C21orf91: variants seen among roughly 807,000 people sequenced by gnomAD.
C21orf91 encodes the protein chromosome 21 open reading frame 91.
Under a neutral mutation model 32.9 loss-of-function variants are expected in C21orf91, and 26 were observed. The ratio of observed to expected loss-of-function variants is 0.79; its 90% CI spans 0.58 to 1.10. The LOEUF (loss-of-function observed/expected upper bound fraction) is 1.10. C21orf91 is among the 50% of genes least tolerant of loss of function. C21orf91 has a pLI of 0.00. For missense variants in C21orf91, 310 were observed against 341.3 expected (o/e 0.91, Z 0.72); for synonymous variants, 126 against 120.4 (o/e 1.05, Z -0.31).
At chr21:17,818,046 G>A in intron 2 of C21orf91, 146 bp downstream of exon 2, 1 of 507,394 alleles carries the variant, frequency 2.0e-6, no homozygotes, top group Non-Finnish European at 3.3e-6. Context: ...TTCATTTCCA[G>A]AAACCTTATC....
chr21:17,807,526 A>G (rs549152984), intron 2 of C21orf91, among the ~76,000 whole-genome samples: 1 of 152,332 alleles, frequency 6.6e-6, no homozygotes, highest in South Asian at 2.1e-4. Flanking sequence ...GTAACAGGAT[A>G]ATGCGCAGAG....
intron 2 of C21orf91, chr21:17,810,363 G>A (rs567636109): frequency 1.3e-4 from 20 of 152,278 alleles, no homozygotes; most frequent in Non-Finnish European, 2.5e-4. Context: ...TGTAAACAGA[G>A]GAACAGTATT....
At chr21:17,795,654 G>A (rs1469625951) in intron 3 of C21orf91, among the ~76,000 whole-genome samples, 1 of 151,784 alleles carries the variant, frequency 6.6e-6, no homozygotes, top group Non-Finnish European at 1.5e-5. Flanking sequence ...TTTATTTTTT[G>A]TAGAGATGGG....
chr21:17,815,304 C>T (rs189761559), intron 2 of C21orf91, among the ~76,000 whole-genome samples: 112 of 152,224 alleles, frequency 7.4e-4, no homozygotes, highest in Admixed American at 2.8e-3. Flanking sequence ...AGCCTCTTCT[C>T]GGAGAAGAGT....
intron 2 of C21orf91, among the ~76,000 whole-genome samples, chr21:17,810,068 C>G: frequency 6.6e-6 from 1 of 152,120 alleles, no homozygotes; most frequent in Middle Eastern, 3.2e-3. Flanking sequence ...GATGGTATGA[C>G]AAATTGAATT....
At position 17,797,022 on chromosome 21, in the gene C21orf91, C is replaced by T. The variant is rs762588629; in HGVS notation, c.224G>A (p.Arg75Gln). Residue 75 changes from arginine (R) to glutamine (Q), a missense_variant, in exon 3 of 5, where the codon CGA (arginine) becomes CAA (glutamine). Transcript: ENST00000284881. ...YHLIANQGCP[R>Q]SKLSKSTYEE... ...ATAAGTACTTTTTGAAAGCTTAGAT[C>T]GAGGACAACCCTGGTTTGCAATTAA... 35 of 1,612,372 alleles carry T rather than the reference C, an allele frequency of 2.2e-5. No homozygotes were observed. In the Admixed American group the frequency reaches 4.7e-4, roughly 22 times the overall value.
At chr21:17,816,806 T>C (rs2062667406) in intron 2 of C21orf91, among the ~76,000 whole-genome samples, 1 of 152,218 alleles carries the variant, frequency 6.6e-6, no homozygotes, top group African/African-American at 2.4e-5. Context: ...TTTCCTTAAA[T>C]GTAAAATACA....
chr21:17,793,302 G>T lies in C21orf91; in HGVS notation c.*113C>A. 1 of 686,364 alleles carries T rather than the reference G, an allele frequency of 1.5e-6. No homozygotes were observed. The highest frequency in any genetic ancestry group is 2.3e-6 in the Non-Finnish European group (1 of 428,858). 42.5% of individuals were successfully genotyped at this position (686,364 alleles called of 1,614,324 possible). A position where few individuals can be genotyped will look rare whatever the true frequency, so the allele number is the denominator to read the frequency against. On this transcript the variant is annotated 3_prime_UTR_variant, in exon 5 of 5. Coordinates refer to ENST00000284881, the MANE Select transcript of C21orf91 (RefSeq NM_001100420.2). ...AGATGTTAAATACTGCCTTATGTTTGGCAAATTTAATGACCATAAAAAAAC... is the reference window on the plus strand; with the variant it reads ...AGATGTTAAATACTGCCTTATGTTTTGCAAATTTAATGACCATAAAAAAAC...
At chr21:17,817,272 G>T (rs2062669931) in intron 2 of C21orf91, among the ~76,000 whole-genome samples, 1 of 151,868 alleles carries the variant, frequency 6.6e-6, no homozygotes, top group Admixed American at 6.6e-5. Context: ...GGAATTTCAA[G>T]GTATATAATC....
chr21:17,793,463 C>A lies in C21orf91; in HGVS notation c.846G>T (p.Leu282=). 6.2e-7 allele frequency: 1 copy of A among 1,613,056 alleles called. No homozygotes were observed. The highest frequency in any genetic ancestry group is 1.1e-5 in the South Asian group (1 of 90,960). The part of the protein sequence containing the change: ...LLKNCSKLPC[L]QVGRTGMKSH... The stretch of plus-strand genomic sequence containing the variant: ...ACTTCATTCCTGTTCGCCCTACTTG[C>A]AGACATGGTAACTTAGAACAGTTCT... The change falls in exon 5 of 5, where the codon CTG becomes CTT. Residue 282 remains leucine (L), a synonymous_variant. Transcript: ENST00000284881.
At chr21:17,809,971 T>A (rs772666356) in intron 2 of C21orf91, among the ~76,000 whole-genome samples, 4 of 152,198 alleles carry the variant, frequency 2.6e-5, no homozygotes, top group Non-Finnish European at 4.4e-5. Flanking sequence ...AAATTATTTA[T>A]AAACAGCAGA....
chr21:17,798,607 C>G (rs2062537523), intron 2 of C21orf91, among the ~76,000 whole-genome samples: 1 of 152,128 alleles, frequency 6.6e-6, no homozygotes, highest in African/African-American at 2.4e-5. Flanking sequence ...CCTTGTACTG[C>G]AATTGTGAGC....
rs752456963 is a variant in C21orf91 at position 17,796,958 on chromosome 21, C to G, written c.288G>C (p.Trp96Cys). 15 of 1,613,014 alleles carry G rather than the reference C, an allele frequency of 9.3e-6. No individual in the cohort carries two copies. Among genetic ancestry groups the G allele is most frequent in the Non-Finnish European group, 1.3e-5 (15 of 1,179,100 alleles). Reference protein sequence around the residue: ...VKTILSKKINWIVQYAQNKDL... With the variant: ...VKTILSKKINCIVQYAQNKDL... ...CCTTATTTTGTGCATACTGCACAAT[C>G]CAGTTTATCTTCTTACTCAAAATGG... Residue 96 changes from tryptophan (W) to cysteine (C), a missense_variant, in exon 3 of 5, where the codon TGG (tryptophan) becomes TGC (cysteine). Transcript: ENST00000284881.
At chr21:17,803,455 G>C (rs1024146118) in intron 2 of C21orf91, among the ~76,000 whole-genome samples, 1 of 152,126 alleles carries the variant, frequency 6.6e-6, no homozygotes, top group Non-Finnish European at 1.5e-5. Context: ...AGGCTGCGAT[G>C]AGCCACGACT....
intron 2 of C21orf91, chr21:17,813,767 T>G (rs1184758045): frequency 2.0e-5 from 3 of 152,222 alleles, no homozygotes; most frequent in Non-Finnish European, 4.4e-5. Context: ...TTGAGCATCA[T>G]GTAGGTGTTC....
Position 17,789,922 on chromosome 21 carries a change from G to A in C21orf91, c.*3493C>T, listed in dbSNP as rs1449486914. The A allele has an allele frequency of 6.6e-6, 1 of 152,076 alleles. No homozygotes were observed. Among genetic ancestry groups the A allele is most frequent in the Non-Finnish European group, 1.5e-5 (1 of 67,956 alleles). The allele number at this position is 152,076 out of a possible 1,614,324, so 9.4% of individuals were successfully genotyped here. ...AATAGTTACTCCCACCAACGTAAAAGTTAAAAATACAATCATACACTGAAA... is the reference window on the plus strand; with the variant it reads ...AATAGTTACTCCCACCAACGTAAAAATTAAAAATACAATCATACACTGAAA... On this transcript the variant is annotated 3_prime_UTR_variant, in exon 5 of 5. Transcript: ENST00000284881.
intron 2 of C21orf91, among the ~76,000 whole-genome samples, chr21:17,806,093 G>C (rs1469725301): frequency 6.6e-6 from 1 of 152,192 alleles, no homozygotes; most frequent in African/African-American, 2.4e-5. Flanking sequence ...GCAAATTTAA[G>C]GTTTGAAAGC....
chr21:17,797,201 A>C, intron 2 of C21orf91, 83 bp from the exon 3 acceptor site: 1 of 842,540 alleles, frequency 1.2e-6, no homozygotes, highest in Non-Finnish European at 1.9e-6. Flanking sequence ...TCTTAGTAAA[A>C]TCAGAGTCCC....
intron 2 of C21orf91, among the ~76,000 whole-genome samples, chr21:17,797,694 T>C (rs1007648581): frequency 7.3e-5 from 11 of 150,594 alleles, no homozygotes; most frequent in Admixed American, 1.3e-4. Flanking sequence ...CACATTTCCA[T>C]TTTATAGTTA....
Sources: allele counts gnomAD v4.1 joint callset (sites outside exome capture counted in the v4.1 genomes callset), GRCh38; gene constraint gnomAD v4.1.1; transcripts MANE v1.5; gene names NCBI Gene and HGNC (gene_info 2026-07-23, HGNC 2026-07-21).